The following TMCC1 variants were observed in gnomAD, a reference collection of about 807,000 sequenced individuals.
TMCC1 encodes the protein transmembrane and coiled-coil domain family 1.
In TMCC1, 15 loss-of-function variants were observed where a neutral mutation model predicts 52.4. That is an observed-to-expected ratio of 0.29 (90% CI 0.19 to 0.44). The LOEUF (loss-of-function observed/expected upper bound fraction) is 0.44, where lower values mean the gene tolerates loss of function less well. Ranked by LOEUF, TMCC1 falls within the 20% of genes least tolerant of loss-of-function variation. TMCC1 has a pLI of 1.00. For synonymous variants in TMCC1, 279 were observed against 301.9 expected, an observed-to-expected ratio of 0.92 and a Z score of 0.79; for missense variants, 503 against 806.0, an observed-to-expected ratio of 0.62 and a Z score of 4.55.
At chr3:129,869,126 C>A (rs1250434903) in intron 2 of TMCC1, 1 of 151,958 alleles carries the variant, frequency 6.6e-6, no homozygotes, top group Admixed American at 6.6e-5. Context: ...GCCAGGGGAA[C>A]CAACCAAGCG....
intron 4 of TMCC1, among the ~76,000 whole-genome samples, chr3:129,750,170 A>T (rs2107653116): frequency 6.6e-6 from 1 of 152,056 alleles, no homozygotes; most frequent in East Asian, 1.9e-4. Flanking sequence ...TTGTCTCAAA[A>T]TCTTTATTTT....
chr3:129,880,571 G>C lies in TMCC1; in HGVS notation c.-434-12C>G, dbSNP rs1287815186. 1 of 152,168 alleles carries C rather than the reference G, an allele frequency of 6.6e-6. No homozygotes were observed. Among genetic ancestry groups the C allele is most frequent in the Non-Finnish European group, 1.5e-5 (1 of 68,048 alleles). 9.4% of individuals were successfully genotyped at this position (152,168 alleles called of 1,614,324 possible). A position where few individuals can be genotyped will look rare whatever the true frequency, so the allele number is the denominator to read the frequency against. The stretch of plus-strand genomic sequence containing the variant: ...CCAGAGATTAATACCTGCTGGGACA[G>C]AGAAGCAAGAAAAGGAGAAAGAACT... On this transcript the variant is annotated splice_polypyrimidine_tract_variant and intron_variant, in intron 1 of 6. Coordinates refer to ENST00000393238, the MANE Select transcript of TMCC1 (RefSeq NM_001017395.5).
rs2086142809 is a variant in TMCC1 at position 129,648,398 on chromosome 3, G to A, written c.*3083C>T. 6.6e-6 allele frequency: 1 copy of A among 152,214 alleles called. No homozygotes were observed. The highest frequency in any genetic ancestry group is 2.4e-5 in the African/African-American group (1 of 41,458). 9.4% of individuals were successfully genotyped at this position (152,214 alleles called of 1,614,324 possible). A position where few individuals can be genotyped will look rare whatever the true frequency, so the allele number is the denominator to read the frequency against. ...TCAGACTTTTACTCCATTCAGAACA[G>A]GGGAGAGAGAAGACCCTAGTCAGTG... On this transcript the variant is annotated 3_prime_UTR_variant, in exon 7 of 7. Coordinates refer to ENST00000393238, the MANE Select transcript of TMCC1 (RefSeq NM_001017395.5).
At chr3:129,763,542 C>CAAAAAAAA (rs11354197) in intron 4 of TMCC1, among the ~76,000 whole-genome samples, 20 of 44,644 alleles carry the variant, frequency 4.5e-4, no homozygotes, top group Non-Finnish European at 6.3e-4. Context: ...GACCCTGTCT[C>CAAAAAAAA]AAAAAAAAAA....
At chr3:129,681,441 T>A (rs545399804) in intron 4 of TMCC1, among the ~76,000 whole-genome samples, 6 of 152,026 alleles carry the variant, frequency 3.9e-5, no homozygotes, top group South Asian at 2.1e-4. Context: ...GAATGATAAG[T>A]AGTCAACGTT....
chr3:129,824,720 A>G (rs1287363658), intron 4 of TMCC1, among the ~76,000 whole-genome samples: 1 of 149,112 alleles, frequency 6.7e-6, no homozygotes, highest in African/African-American at 2.4e-5. Context: ...ACTTATGCCC[A>G]CTGTTCCAGT....
chr3:129,846,615 A>G (rs2107886591), intron 2 of TMCC1, among the ~76,000 whole-genome samples: 1 of 152,272 alleles, frequency 6.6e-6, no homozygotes, highest in East Asian at 1.9e-4. Context: ...TTCACACTCA[A>G]AACAAATCTT....
chr3:129,720,212 T>G (rs915036829), intron 4 of TMCC1, among the ~76,000 whole-genome samples: 3 of 146,116 alleles, frequency 2.1e-5, no homozygotes, highest in African/African-American at 7.9e-5. Context: ...AGAGATGGAA[T>G]GTATTTCTCC....
At chr3:129,759,013 G>A (rs1406719541) in intron 4 of TMCC1, among the ~76,000 whole-genome samples, 2 of 152,168 alleles carry the variant, frequency 1.3e-5, no homozygotes, top group African/African-American at 4.8e-5. Context: ...TTAAGGCTGA[G>A]TAATAGTCCA....
intron 4 of TMCC1, among the ~76,000 whole-genome samples, chr3:129,687,453 A>T (rs2089484659): frequency 6.6e-6 from 1 of 152,220 alleles, no homozygotes; most frequent in Non-Finnish European, 1.5e-5. Context: ...TAAAACATAC[A>T]TTTTAAAGAG....
At chr3:129,677,709 G>A (rs947424341) in intron 4 of TMCC1, among the ~76,000 whole-genome samples, 4 of 152,196 alleles carry the variant, frequency 2.6e-5, no homozygotes, top group Non-Finnish European at 4.4e-5. Flanking sequence ...GTCATGGCTT[G>A]TTAGGAAGCT....
intron 4 of TMCC1, among the ~76,000 whole-genome samples, chr3:129,756,302 T>A (rs2053006001): frequency 6.6e-6 from 1 of 152,218 alleles, no homozygotes; most frequent in South Asian, 2.1e-4. Context: ...TATCCTTGAA[T>A]GACAGAATAG....
intron 4 of TMCC1, among the ~76,000 whole-genome samples, chr3:129,755,376 T>C (rs1431779127): frequency 6.6e-6 from 1 of 151,902 alleles, no homozygotes; most frequent in East Asian, 1.9e-4. Context: ...AAGAAAAAAA[T>C]TGGTGAGTTA....
intron 2 of TMCC1, among the ~76,000 whole-genome samples, chr3:129,839,488 C>T (rs552272995): frequency 4.6e-5 from 7 of 152,162 alleles, no homozygotes; most frequent in Middle Eastern, 3.4e-3. Flanking sequence ...ACCACACAGG[C>T]GCATGCCTAT....
rs898588746 is a variant in TMCC1 at position 129,880,357 on chromosome 3, T to C, written c.-232A>G. Reference sequence around the variant, plus strand: ...TTCCCTTTCTTTGCATAGGTGAGGATGAACAGTTGTAATCCAAAAGGTTTC... The same window carrying C: ...TTCCCTTTCTTTGCATAGGTGAGGACGAACAGTTGTAATCCAAAAGGTTTC... On this transcript the variant is annotated 5_prime_UTR_variant, in exon 2 of 7. Transcript: ENST00000393238. 5 of 152,332 alleles carry C rather than the reference T, an allele frequency of 3.3e-5. No homozygotes were observed. The East Asian group carries it at 7.7e-4, about 23-fold the overall frequency. The allele number at this position is 152,332 out of a possible 1,614,324, so 9.4% of individuals were successfully genotyped here.
intron 2 of TMCC1, among the ~76,000 whole-genome samples, chr3:129,857,020 G>T (rs763355391): frequency 6.6e-6 from 1 of 151,954 alleles, no homozygotes; most frequent in African/African-American, 2.4e-5. Context: ...CCAGGTTCAG[G>T]CAATCCCCCT....
chr3:129,746,543 T>C (rs1268990235), intron 4 of TMCC1, among the ~76,000 whole-genome samples: 4 of 152,136 alleles, frequency 2.6e-5, no homozygotes, highest in African/African-American at 9.7e-5. Flanking sequence ...ATCCTGCAAG[T>C]AAACTTGGTG....
intron 4 of TMCC1, among the ~76,000 whole-genome samples, chr3:129,759,631 T>C (rs771279215): frequency 7.0e-6 from 1 of 142,948 alleles, no homozygotes; most frequent in Non-Finnish European, 1.5e-5. Context: ...GGTCTCAAAC[T>C]CCTGGCCTCA....
intron 4 of TMCC1, among the ~76,000 whole-genome samples, chr3:129,728,890 T>C (rs536318574): frequency 6.6e-6 from 1 of 152,274 alleles, no homozygotes; most frequent in African/African-American, 2.4e-5. Context: ...GGATGATGCA[T>C]GTATCATAGT....
Sources: allele counts gnomAD v4.1 joint callset (sites outside exome capture counted in the v4.1 genomes callset), GRCh38; gene constraint gnomAD v4.1.1; transcripts MANE v1.5; gene names NCBI Gene and HGNC (gene_info 2026-07-23, HGNC 2026-07-21).